Variants in DIAPH2 observed in about 807,000 individuals in gnomAD.
DIAPH2 encodes the protein diaphanous related formin 2.
A neutral mutation model predicts 92.7 loss-of-function variants in DIAPH2; 35 were observed. The observed-to-expected ratio is 0.38, with a 90% confidence interval of 0.29 to 0.50. The LOEUF (loss-of-function observed/expected upper bound fraction) is 0.50, where lower values mean the gene tolerates loss of function less well. DIAPH2 is among the 20% of genes least tolerant of loss of function. The probability of loss-of-function intolerance (pLI) is 0.94; values close to 1 mark genes in which losing one functional copy is unlikely to be tolerated. For synonymous variants in DIAPH2, 301 were observed against 280.4 expected (o/e 1.07, Z -0.73); for missense variants, 701 against 819.5 (o/e 0.86, Z 1.77).
chrX:97,538,438 C>A (rs1330814774), intron 26 of DIAPH2, among the ~76,000 whole-genome samples: 2 of 111,281 alleles, frequency 1.8e-5, no homozygotes, highest in Non-Finnish European at 3.8e-5. Context: ...ATAATCTTAA[C>A]TATTATATTG....
At chrX:97,254,155 T>G (rs1387260129) in intron 23 of DIAPH2, among the ~76,000 whole-genome samples, 2 of 111,536 alleles carry the variant, frequency 1.8e-5, no homozygotes, top group African/African-American at 6.5e-5. Flanking sequence ...AAAACTGGAC[T>G]GTCAGGGCCA....
chrX:96,690,561 A>T (rs1412106322), intron 1 of DIAPH2, among the ~76,000 whole-genome samples: 1 of 111,798 alleles, frequency 8.9e-6, no homozygotes, highest in Non-Finnish European at 1.9e-5. Flanking sequence ...TTATTATTGT[A>T]TAAAGTACCA....
At position 96,949,021 on chromosome X, in the gene DIAPH2, C is replaced by G. The variant is rs1360044797; in HGVS notation, c.1596C>G (p.Ile532Met). ...AAATCAAAGAACTTGAAGCAGAAAT[C>G]CAGCAACTTCGAACCCAGGTAATGA... ...DEKIKELEAE[I>M]QQLRTQAQVL... Residue 532 changes from isoleucine (I) to methionine (M), a missense_variant, in exon 15 of 27, where the codon ATC (isoleucine) becomes ATG (methionine). Transcript: ENST00000324765. The G allele has an allele frequency of 1.7e-6, 2 of 1,191,108 alleles. No individual in the cohort carries two copies. Among genetic ancestry groups the G allele is most frequent in the African/African-American group, 3.5e-5 (2 of 56,577 alleles).
At chrX:96,931,551 A>C (rs987640616) in intron 10 of DIAPH2, among the ~76,000 whole-genome samples, 1 of 110,482 alleles carries the variant, frequency 9.1e-6, no homozygotes, top group African/African-American at 3.3e-5. Context: ...GCTACTCAGA[A>C]TATACCTGAG....
intron 5 of DIAPH2, among the ~76,000 whole-genome samples, chrX:96,909,745 A>G: frequency 9.0e-6 from 1 of 111,375 alleles, no homozygotes; most frequent in Non-Finnish European, 1.9e-5. Flanking sequence ...CTTAAGTTGT[A>G]TGATTGTATC....
At chrX:96,862,065 A>G (rs1450167208) in intron 4 of DIAPH2, among the ~76,000 whole-genome samples, 1 of 111,487 alleles carries the variant, frequency 9.0e-6, no homozygotes, top group East Asian at 2.8e-4. Flanking sequence ...GCATCCTCCT[A>G]TGTGCTACCC....
chrX:97,596,120 G>C (rs2071549741), intron 26 of DIAPH2, among the ~76,000 whole-genome samples: 1 of 111,879 alleles, frequency 8.9e-6, no homozygotes, highest in Non-Finnish European at 1.9e-5. Context: ...TTTTGGGATT[G>C]ATTTCTCAGG....
At chrX:97,120,762 T>A (rs2067052090) in intron 21 of DIAPH2, among the ~76,000 whole-genome samples, 1 of 109,415 alleles carries the variant, frequency 9.1e-6, no homozygotes, top group Non-Finnish European at 1.9e-5. Flanking sequence ...CTATAACATG[T>A]AAAGCCTCAT....
chrX:97,575,391 T>C (rs1471657503), intron 26 of DIAPH2, among the ~76,000 whole-genome samples: 1 of 112,393 alleles, frequency 8.9e-6, no homozygotes, highest in African/African-American at 3.2e-5. Context: ...TGTGTGTTTG[T>C]CTCCAAATGT....
chrX:97,329,376 T>G (rs1219092927), intron 23 of DIAPH2, among the ~76,000 whole-genome samples: 1 of 112,256 alleles, frequency 8.9e-6, no homozygotes, highest in Non-Finnish European at 1.9e-5. Flanking sequence ...GAGAAAACAC[T>G]GAGAGGCTAA....
At chrX:97,025,564 A>G (rs1466802373) in intron 17 of DIAPH2, among the ~76,000 whole-genome samples, 2 of 109,862 alleles carry the variant, frequency 1.8e-5, no homozygotes, top group African/African-American at 6.7e-5. Flanking sequence ...AGGCAGGAGA[A>G]TGGCGTGAAC....
chrX:96,797,748 G>C (rs2064551879), intron 4 of DIAPH2, among the ~76,000 whole-genome samples: 1 of 112,268 alleles, frequency 8.9e-6, no homozygotes, highest in African/African-American at 3.2e-5. Context: ...TGTTACATAG[G>C]TAAATGTGGA....
In DIAPH2 at chrX:97,280,290, C is replaced by T. The variant is rs768076205; in HGVS notation, c.2844+32451C>T. On this transcript the variant is annotated intron_variant, in intron 23 of 26. Transcript: ENST00000324765. ...GAGATAGAGAGCATCCTGGCTAACA[C>T]GGTGAAACCTCGTCTCTACTAAAAA... 1.0e-4 allele frequency among the ~76,000 whole-genome samples: 11 copies of T among 108,799 alleles called. No homozygotes were observed. The East Asian group carries it at 2.0e-3, about 20-fold the overall frequency. The allele number at this position is 108,799 out of a possible 115,157, so 94.5% of individuals were successfully genotyped here.
At chrX:97,021,907 A>G (rs2066300974) in intron 17 of DIAPH2, among the ~76,000 whole-genome samples, 1 of 112,012 alleles carries the variant, frequency 8.9e-6, no homozygotes, top group Non-Finnish European at 1.9e-5. Flanking sequence ...GATTATTGTC[A>G]TCAGGAATCT....
At chrX:97,571,444 T>C (rs754986233) in intron 26 of DIAPH2, among the ~76,000 whole-genome samples, 1 of 111,662 alleles carries the variant, frequency 9.0e-6, no homozygotes, top group Non-Finnish European at 1.9e-5. Context: ...AGAAAATTTG[T>C]TTTGAGTACA....
intron 23 of DIAPH2, among the ~76,000 whole-genome samples, chrX:97,311,847 AGGACAGAGTCTCGCCTGT>A (rs1205204172): frequency 3.7e-5 from 4 of 108,556 alleles, no homozygotes; most frequent in Non-Finnish European, 7.7e-5. Flanking sequence ...TGGGTGGGGG[AGGACAGAGTCTCGCCTGT>A]GGCCTAGGCT....
intron 4 of DIAPH2, among the ~76,000 whole-genome samples, chrX:96,788,224 T>C (rs985044819): frequency 1.8e-5 from 2 of 111,996 alleles, no homozygotes; most frequent in African/African-American, 6.5e-5. Context: ...CTAACATAAA[T>C]GATGTGTAAC....
At chrX:97,499,076 GAT>G (rs1328598225) in intron 26 of DIAPH2, among the ~76,000 whole-genome samples, 2 of 111,895 alleles carry the variant, frequency 1.8e-5, no homozygotes, top group Non-Finnish European at 3.8e-5. Flanking sequence ...GGACTTGGCA[GAT>G]ATCAGAAGGT....
chrX:97,299,635 G>T (rs2068677083), intron 23 of DIAPH2, among the ~76,000 whole-genome samples: 1 of 112,026 alleles, frequency 8.9e-6, no homozygotes, highest in Non-Finnish European at 1.9e-5. Context: ...AGTTATTCCA[G>T]TGTTCTTTTT....
Sources: gnomAD v4.1 joint callset for allele counts (sites outside exome capture counted in the v4.1 genomes callset) on GRCh38, gnomAD v4.1.1 for gene constraint, MANE v1.5 for transcripts, NCBI Gene and HGNC (gene_info 2026-07-23, HGNC 2026-07-21) for gene names.